The following BMPR2 variants were observed in gnomAD, a reference collection of about 807,000 sequenced individuals.
BMPR2 encodes the protein bone morphogenetic protein receptor type-2.
BMPR2 carries 29 observed loss-of-function variants against 100.8 expected under a neutral mutation model. The ratio of observed to expected loss-of-function variants is 0.29; its 90% CI spans 0.21 to 0.39. BMPR2 has a LOEUF of 0.39. Ranked by LOEUF, BMPR2 falls within the 10% of genes least tolerant of loss-of-function variation. The pLI is 1.00. For missense variants in BMPR2, 1,011 were observed against 1,274.5 expected, an observed-to-expected ratio of 0.79 and a Z score of 3.15; for synonymous variants, 382 against 442.3, an observed-to-expected ratio of 0.86 and a Z score of 1.71.
At chr2:202,444,852 G>T (rs561549688) in intron 1 of BMPR2, among the ~76,000 whole-genome samples, 1 of 150,680 alleles carries the variant, frequency 6.6e-6, no homozygotes, top group South Asian at 2.1e-4. Context: ...GCAATGGCAC[G>T]ATCTGAGCTC....
At chr2:202,474,914 C>G (rs1692512801) in intron 3 of BMPR2, 3 of 151,968 alleles carry the variant, frequency 2.0e-5, no homozygotes, top group Non-Finnish European at 4.4e-5. Flanking sequence ...AACCAATAAC[C>G]TGCTTGTTTA....
At chr2:202,523,788 G>T (rs1306252292) in intron 7 of BMPR2, among the ~76,000 whole-genome samples, 1 of 151,608 alleles carries the variant, frequency 6.6e-6, no homozygotes, top group Admixed American at 6.6e-5. Context: ...TGGGCAGCAA[G>T]AGTGAAACTC....
rs566893916 is a variant in BMPR2 at position 202,503,563 on chromosome 2, C to T, written c.419-10156C>T. Among the ~76,000 whole-genome samples the T allele has an allele frequency of 8.9e-4, 136 of 152,344 alleles. No individual in the cohort carries two copies. The highest frequency in any genetic ancestry group is 2.5e-3 in the African/African-American group (105 of 41,580). ...GGGTCCCCCAGCAGTGCCAGCCCAC[C>T]GGCGCTGCTCTCAGTTTCTCACTGG... On this transcript the variant is annotated intron_variant, in intron 3 of 12. Coordinates refer to ENST00000374580, the MANE Select transcript of BMPR2 (RefSeq NM_001204.7). This position sits in a 1 kb window ranked among gnomAD's most constrained non-coding sequence, Gnocchi z 4.0.
At chr2:202,428,929 C>T (rs1331744771) in intron 1 of BMPR2, among the ~76,000 whole-genome samples, 1 of 152,040 alleles carries the variant, frequency 6.6e-6, no homozygotes, top group South Asian at 2.1e-4. Context: ...GATCCAGACC[C>T]CAAGAGAGGG....
chr2:202,466,900 A>G (rs1692334815), intron 2 of BMPR2, among the ~76,000 whole-genome samples: 1 of 152,156 alleles, frequency 6.6e-6, no homozygotes, highest in Admixed American at 6.6e-5. Context: ...GCCCAGCCAT[A>G]TTATTTTTTA....
chr2:202,467,094 C>G (rs994435960), intron 2 of BMPR2: 1 of 264,824 alleles, frequency 3.8e-6, no homozygotes, highest in African/African-American at 2.3e-5. Context: ...AACCCCATCT[C>G]TACTAAAAAT....
chr2:202,406,170 A>G (rs1460635975), intron 1 of BMPR2, among the ~76,000 whole-genome samples: 1 of 152,242 alleles, frequency 6.6e-6, no homozygotes, highest in African/African-American at 2.4e-5. Flanking sequence ...TATATCCAGC[A>G]TAAGTGGTTG....
intron 3 of BMPR2, among the ~76,000 whole-genome samples, chr2:202,472,422 G>A (rs1477885216): frequency 6.6e-6 from 1 of 152,168 alleles, no homozygotes; most frequent in Non-Finnish European, 1.5e-5. Context: ...ACTTTGGGAG[G>A]CCAAGGTGGG....
chr2:202,471,947 G>A (rs1692447272), intron 3 of BMPR2, among the ~76,000 whole-genome samples: 1 of 151,242 alleles, frequency 6.6e-6, no homozygotes, highest in African/African-American at 2.4e-5. Context: ...TGTAGAAAGA[G>A]GTAATAAAAG....
chr2:202,447,113 C>G (rs867326254), intron 1 of BMPR2, among the ~76,000 whole-genome samples: 1 of 149,144 alleles, frequency 6.7e-6, no homozygotes, highest in Non-Finnish European at 1.5e-5. Flanking sequence ...TGAGACCAGC[C>G]TGGCCAACAT....
chr2:202,453,276 ATTACTT>A (rs929773418), intron 1 of BMPR2, among the ~76,000 whole-genome samples: 3 of 151,360 alleles, frequency 2.0e-5, no homozygotes, highest in African/African-American at 7.3e-5. Flanking sequence ...TTAAAATTCT[ATTACTT>A]TTAATAATAA....
At chr2:202,402,303 G>A (rs1353919764) in intron 1 of BMPR2, among the ~76,000 whole-genome samples, 5 of 152,008 alleles carry the variant, frequency 3.3e-5, no homozygotes, top group Non-Finnish European at 7.4e-5. Context: ...TGGATCACAA[G>A]GTCAGGAGTT....
At chr2:202,390,736 T>G (rs1474032498) in intron 1 of BMPR2, among the ~76,000 whole-genome samples, 2 of 152,156 alleles carry the variant, frequency 1.3e-5, no homozygotes, top group Non-Finnish European at 2.9e-5. Flanking sequence ...TAGAGTCCTT[T>G]AATTATTAGT....
chr2:202,441,473 G>A (rs1297230109), intron 1 of BMPR2, among the ~76,000 whole-genome samples: 1 of 149,002 alleles, frequency 6.7e-6, no homozygotes. Context: ...GGGAGGCCGA[G>A]GCGGGTGGAT....
chr2:202,482,710 T>G (rs1209445512), intron 3 of BMPR2, among the ~76,000 whole-genome samples: 1 of 152,124 alleles, frequency 6.6e-6, no homozygotes, highest in African/African-American at 2.4e-5. Context: ...AGCTAATTTT[T>G]TTGTATTTTT....
chr2:202,529,593 C>T (rs1687980205), intron 7 of BMPR2, among the ~76,000 whole-genome samples: 1 of 152,092 alleles, frequency 6.6e-6, no homozygotes, highest in South Asian at 2.1e-4. Flanking sequence ...CAAGTTAATA[C>T]AAGCTTTGGA....
At chr2:202,486,873 TA>T (rs1340417167) in intron 3 of BMPR2, among the ~76,000 whole-genome samples, 1 of 149,580 alleles carries the variant, frequency 6.7e-6, no homozygotes, top group Non-Finnish European at 1.5e-5. Flanking sequence ...AAGAAATTTT[TA>T]AAAAAATTAG....
In BMPR2 at chr2:202,471,585, C is replaced by G. The variant is rs569386526; in HGVS notation, c.418+3896C>G. Among the ~76,000 whole-genome samples, 137 of 152,200 alleles carry G rather than the reference C, an allele frequency of 9.0e-4. 1 individual carries two copies. The highest frequency in any genetic ancestry group is 3.1e-3 in the African/African-American group (129 of 41,548). ...AATTTAATCATGAGGTAATATCACA[C>G]AAACCCCAAATTAGGAATGTTCTGT... is the stretch of plus-strand genomic sequence containing the variant. On this transcript the variant is annotated intron_variant, in intron 3 of 12. Transcript: ENST00000374580.
At position 202,550,542 on chromosome 2, in the gene BMPR2, C is replaced by T. The variant is rs374721008; in HGVS notation, c.1414-2174C>T. 2.0e-5 allele frequency among the ~76,000 whole-genome samples: 3 copies of T among 151,990 alleles called. No individual in the cohort carries two copies. The East Asian group carries it at 5.8e-4, about 29-fold the overall frequency. On this transcript the variant is annotated intron_variant, in intron 10 of 12. Coordinates refer to ENST00000374580, the MANE Select transcript of BMPR2 (RefSeq NM_001204.7). ...CTAGATTTATAATTATCATTTTATGCTTTTCTCTCTTAAATAAGAAAAAAG... is the reference window on the plus strand; with the variant it reads ...CTAGATTTATAATTATCATTTTATGTTTTTCTCTCTTAAATAAGAAAAAAG...
Sources: allele counts gnomAD v4.1 joint callset (sites outside exome capture counted in the v4.1 genomes callset), GRCh38; gene constraint gnomAD v4.1.1; non-coding constraint Gnocchi (gnomAD v3.1); transcripts MANE v1.5; gene names NCBI Gene and HGNC (gene_info 2026-07-23, HGNC 2026-07-21).